The following RMST variants were observed in gnomAD, a reference collection of about 807,000 sequenced individuals.
RMST encodes the protein long intergenic non-protein coding RNA 54.
chr12:97,474,285 C>T (rs1166612162), intron 5 of RMST, among the ~76,000 whole-genome samples: 1 of 152,096 alleles, frequency 6.6e-6, no homozygotes, highest in Non-Finnish European at 1.5e-5. Flanking sequence ...GGTTCGCCAT[C>T]CACTTGTCTA....
At chr12:97,516,293 A>G (rs1879921296) in intron 10 of RMST, among the ~76,000 whole-genome samples, 1 of 152,050 alleles carries the variant, frequency 6.6e-6, no homozygotes, top group Non-Finnish European at 1.5e-5. Context: ...TTTGTAAACC[A>G]TGGCTTTGAA....
chr12:97,531,789 T>A (rs961918108), intron 11 of RMST, among the ~76,000 whole-genome samples: 1 of 151,974 alleles, frequency 6.6e-6, no homozygotes, highest in Admixed American at 6.6e-5. Context: ...AATGCAATAA[T>A]TTGTCTTTTG....
intron 11 of RMST, among the ~76,000 whole-genome samples, chr12:97,542,825 T>C (rs773118564): frequency 3.9e-5 from 6 of 151,974 alleles, no homozygotes; most frequent in Non-Finnish European, 8.8e-5. Context: ...CTTGTCAAGC[T>C]TCTCTTAAGT....
chr12:97,484,761 C>T (rs542007215), intron 5 of RMST, among the ~76,000 whole-genome samples: 2 of 152,294 alleles, frequency 1.3e-5, no homozygotes, highest in Non-Finnish European at 2.9e-5. Context: ...CTATTAATAA[C>T]AATAATTATA....
intron 5 of RMST, among the ~76,000 whole-genome samples, chr12:97,486,086 A>T (rs1876066307): frequency 6.6e-6 from 1 of 152,170 alleles, no homozygotes; most frequent in Non-Finnish European, 1.5e-5. Context: ...ATAGAGTAGG[A>T]CCCTTTGTAA....
At chr12:97,551,532 C>T (rs946177280) in intron 11 of RMST, among the ~76,000 whole-genome samples, 12 of 152,216 alleles carry the variant, frequency 7.9e-5, no homozygotes, top group Admixed American at 2.0e-4. Flanking sequence ...CTGGCCATTC[C>T]ACTCTTCGCT....
chr12:97,545,273 T>C (rs1170353329), intron 11 of RMST, among the ~76,000 whole-genome samples: 1 of 151,978 alleles, frequency 6.6e-6, no homozygotes, highest in Non-Finnish European at 1.5e-5. Flanking sequence ...ATTTATGGAG[T>C]AGTTTATAAT....
Position 97,489,473 on chromosome 12 carries a change from T to A in RMST, n.645-2988T>A, listed in dbSNP as rs80146568. ...AGAAAAAAAGAAAAAAAAAAAAGGC[T>A]ACTTTTAGCTTGTTAGGTGATAACA... On this transcript the variant is annotated intron_variant and non_coding_transcript_variant, in intron 5 of 13. Transcript: ENST00000640149. Among the ~76,000 whole-genome samples the A allele has an allele frequency of 6.4e-3, 974 of 151,802 alleles. 16 individuals are homozygous for A. Among genetic ancestry groups the A allele is most frequent in the African/African-American group, 0.022 (932 of 41,458 alleles).
Position 97,534,914 on chromosome 12 carries a change from A to G in RMST, n.1545+4055A>G, listed in dbSNP as rs927758290. On this transcript the variant is annotated intron_variant and non_coding_transcript_variant, in intron 11 of 13. Transcript: ENST00000640149. ...ATTTGTTGTGCATTGTTTATGAGTC[A>G]GCAATTTAATTTAATTTTACAGAAA... is the stretch of plus-strand genomic sequence containing the variant. 5.3e-5 allele frequency among the ~76,000 whole-genome samples: 8 copies of G among 151,806 alleles called. No individual in the cohort carries two copies. In the South Asian group the frequency reaches 1.7e-3, roughly 31 times the overall value.
intron 5 of RMST, among the ~76,000 whole-genome samples, chr12:97,479,443 A>G (rs1184737247): frequency 2.0e-5 from 3 of 152,044 alleles, no homozygotes; most frequent in Admixed American, 1.3e-4. Context: ...GTGAGCCACA[A>G]TGCCCAGTCT....
chr12:97,518,089 A>T (rs1385907881), intron 10 of RMST, among the ~76,000 whole-genome samples: 3 of 152,166 alleles, frequency 2.0e-5, no homozygotes, highest in Non-Finnish European at 4.4e-5. Flanking sequence ...ATTGAGTAAG[A>T]CCTTCTGAAA....
At chr12:97,500,216 G>A (rs910673477) in intron 10 of RMST, among the ~76,000 whole-genome samples, 4 of 152,130 alleles carry the variant, frequency 2.6e-5, no homozygotes, top group South Asian at 2.1e-4. Context: ...AGAAACGTCC[G>A]CTGGTAAACA....
chr12:97,507,749 C>A (rs1295863820), intron 10 of RMST, among the ~76,000 whole-genome samples: 1 of 152,176 alleles, frequency 6.6e-6, no homozygotes, highest in South Asian at 2.1e-4. Flanking sequence ...TGTCTTGAGA[C>A]AGATGAGTGT....
chr12:97,478,233 T>C (rs1029116996), intron 5 of RMST, among the ~76,000 whole-genome samples: 4 of 152,232 alleles, frequency 2.6e-5, no homozygotes, highest in African/African-American at 7.2e-5. Flanking sequence ...TATCAGTAGA[T>C]ATTTCTCTTC....
intron 10 of RMST, among the ~76,000 whole-genome samples, chr12:97,507,452 C>T (rs1878823275): frequency 1.3e-5 from 2 of 151,978 alleles, no homozygotes; most frequent in African/African-American, 4.8e-5. Context: ...AGACTAGATT[C>T]AATAAACATT....
intron 5 of RMST, among the ~76,000 whole-genome samples, chr12:97,488,984 A>C (rs1215644219): frequency 6.6e-6 from 1 of 152,190 alleles, no homozygotes. Context: ...GGACAAGCTG[A>C]AGATATGGAC....
chr12:97,543,289 TG>T (rs1472222713), intron 11 of RMST, among the ~76,000 whole-genome samples: 9 of 152,008 alleles, frequency 5.9e-5, no homozygotes, highest in Non-Finnish European at 7.4e-5. Context: ...CAGTCGAATG[TG>T]GGGACAGAGT....
At chr12:97,564,927 A>G (rs536601537) in exon 14 of RMST, 1 of 152,294 alleles carries the variant, frequency 6.6e-6, no homozygotes, top group East Asian at 1.9e-4. Context: ...TGTTTTCTGT[A>G]TATTTACTTT....
chr12:97,539,291 TGTGGCTGAAG>T, intron 11 of RMST, among the ~76,000 whole-genome samples: 1 of 151,726 alleles, frequency 6.6e-6, no homozygotes, highest in Admixed American at 6.6e-5. Context: ...TTCATTTCCC[TGTGGCTGAAG>T]GTAGCTTGCT....
Sources: allele counts gnomAD v4.1 joint callset (sites outside exome capture counted in the v4.1 genomes callset), GRCh38; gene constraint gnomAD v4.1.1; transcripts MANE v1.5; gene names NCBI Gene and HGNC (gene_info 2026-07-23, HGNC 2026-07-21).